The following CADPS2 variants were observed in gnomAD, a reference collection of about 807,000 sequenced individuals.
CADPS2 encodes the protein calcium-dependent secretion activator 2.
In CADPS2, 93 loss-of-function variants were observed where a neutral mutation model predicts 172.5. That is an observed-to-expected ratio of 0.54 (90% CI 0.46 to 0.64). The LOEUF (loss-of-function observed/expected upper bound fraction) is 0.64. Among genes scored for constraint, CADPS2 ranks in the 30% least tolerant of loss-of-function variants. The probability of loss-of-function intolerance (pLI) is 0.00; values close to 1 mark genes in which losing one functional copy is unlikely to be tolerated. For synonymous variants in CADPS2, 546 were observed against 555.2 expected (o/e 0.98, Z 0.23); for missense variants, 1,420 against 1,565.9 (o/e 0.91, Z 1.57).
chr7:122,361,248 A>ATTTTTTTTTTT (rs1181719835), intron 25 of CADPS2, among the ~76,000 whole-genome samples: 5 of 111,178 alleles, frequency 4.5e-5, no homozygotes, highest in African/African-American at 1.9e-4. Context: ...TTTTTTTTTA[A>ATTTTTTTTTTT]AATGAGATGG....
At chr7:122,441,398 T>A (rs1253882819) in intron 16 of CADPS2, 114 bp downstream of exon 16, 1 of 563,628 alleles carries the variant, frequency 1.8e-6, no homozygotes, top group Admixed American at 3.8e-5. Flanking sequence ...TCATGACTTG[T>A]GATGGAATCA....
chr7:122,354,315 T>A (rs373789014), intron 27 of CADPS2: 1 of 152,202 alleles, frequency 6.6e-6, no homozygotes, highest in Non-Finnish European at 1.5e-5. Context: ...TGTAATTACA[T>A]CTCCATTTTA....
chr7:122,396,422 C>A (rs1006040767), intron 20 of CADPS2, among the ~76,000 whole-genome samples: 19 of 152,148 alleles, frequency 1.2e-4, no homozygotes, highest in African/African-American at 4.6e-4. Context: ...CCTAATATTT[C>A]CTCTGCCAAT....
intron 5 of CADPS2, among the ~76,000 whole-genome samples, chr7:122,615,653 A>C (rs1410016665): frequency 2.0e-5 from 3 of 152,154 alleles, no homozygotes; most frequent in African/African-American, 4.8e-5. Context: ...ATGAAAATTC[A>C]GTGCAGATGA....
intron 2 of CADPS2, among the ~76,000 whole-genome samples, chr7:122,734,369 AAAAAAAAAAAAAAAAAAG>A (rs2091958687): frequency 1.5e-4 from 14 of 90,906 alleles, no homozygotes; most frequent in Admixed American, 4.9e-4. Context: ...AAAAAAAAAA[AAAAAAAAAAAAAAAAAAG>A]AAAAAAAAAA....
At chr7:122,487,158 G>A (rs2057899638) in intron 11 of CADPS2, among the ~76,000 whole-genome samples, 1 of 151,526 alleles carries the variant, frequency 6.6e-6, no homozygotes, top group Admixed American at 6.6e-5. Context: ...CTACAGCCAC[G>A]TACCACCATG....
chr7:122,563,517 C>T (rs1283437208), intron 7 of CADPS2, among the ~76,000 whole-genome samples: 1 of 152,142 alleles, frequency 6.6e-6, no homozygotes, highest in Admixed American at 6.6e-5. Context: ...CTTCAAATCA[C>T]TTCAAGATAA....
chr7:122,648,577 C>G (rs1367428532), intron 3 of CADPS2, among the ~76,000 whole-genome samples: 1 of 152,010 alleles, frequency 6.6e-6, no homozygotes, highest in African/African-American at 2.4e-5. Flanking sequence ...AACAAAAATA[C>G]CCTAATCAGA....
At chr7:122,859,997 GACAA>G (rs1465638490) in intron 1 of CADPS2, among the ~76,000 whole-genome samples, 2 of 151,988 alleles carry the variant, frequency 1.3e-5, no homozygotes, top group African/African-American at 2.4e-5. Context: ...CTTTGTCAAT[GACAA>G]ACAGTCTTAA....
At chr7:122,882,880 G>C (rs1387925190) in intron 1 of CADPS2, among the ~76,000 whole-genome samples, 1 of 152,020 alleles carries the variant, frequency 6.6e-6, no homozygotes, top group African/African-American at 2.4e-5. Context: ...CTGTTTATTA[G>C]TTCATACTCA....
At chr7:122,802,424 G>T (rs925439809) in intron 1 of CADPS2, among the ~76,000 whole-genome samples, 2 of 152,098 alleles carry the variant, frequency 1.3e-5, no homozygotes, top group Non-Finnish European at 2.9e-5. Context: ...GTAATCGCTG[G>T]TCAGTCTCAC....
At chr7:122,401,612 C>A (rs1002896459) in intron 20 of CADPS2, among the ~76,000 whole-genome samples, 1 of 152,200 alleles carries the variant, frequency 6.6e-6, no homozygotes, top group Non-Finnish European at 1.5e-5. Context: ...GTGCCAATTA[C>A]TTCATTATGA....
chr7:122,589,624 G>C (rs2070416952), intron 6 of CADPS2, among the ~76,000 whole-genome samples: 1 of 151,914 alleles, frequency 6.6e-6, no homozygotes, highest in Non-Finnish European at 1.5e-5. Context: ...GGTGGCTGCT[G>C]ACACGTCGTT....
At chr7:122,803,257 A>C (rs566205760) in intron 1 of CADPS2, among the ~76,000 whole-genome samples, 3 of 152,340 alleles carry the variant, frequency 2.0e-5, no homozygotes, top group African/African-American at 4.8e-5. Context: ...GCTTTAAAAA[A>C]TGCAAAATCT....
chr7:122,809,118 T>C (rs36072017), intron 1 of CADPS2, among the ~76,000 whole-genome samples: 30,159 of 152,040 alleles, frequency 0.2, 3,084 homozygotes, highest in Middle Eastern at 0.3. Context: ...GTTTTCTGTA[T>C]ATACATTGTA....
intron 3 of CADPS2, among the ~76,000 whole-genome samples, chr7:122,632,937 A>G (rs1273366652): frequency 6.6e-6 from 1 of 152,100 alleles, no homozygotes; most frequent in African/African-American, 2.4e-5. Flanking sequence ...TTCCAGCACC[A>G]TTTATTGAAG....
At chr7:122,518,786 A>G (rs1303222757) in intron 8 of CADPS2, among the ~76,000 whole-genome samples, 1 of 152,082 alleles carries the variant, frequency 6.6e-6, no homozygotes, top group East Asian at 1.9e-4. Flanking sequence ...GTGACAATTT[A>G]TGATGTTATC....
Position 122,719,711 on chromosome 7 carries a change from A to G in CADPS2, c.453+17244T>C, listed in dbSNP as rs144218979. Reference sequence around the variant, plus strand: ...GGTCGGCAATTAAATTCTATGTGATATAATAATTTTTAGAACAGAAAACTC... The same window carrying G: ...GGTCGGCAATTAAATTCTATGTGATGTAATAATTTTTAGAACAGAAAACTC... On this transcript the variant is annotated intron_variant, in intron 2 of 29. Coordinates refer to ENST00000449022, the MANE Select transcript of CADPS2 (RefSeq NM_017954.11). 7.8e-4 allele frequency among the ~76,000 whole-genome samples: 119 copies of G among 152,290 alleles called. 3 individuals carry two copies. The East Asian group carries it at 0.021, about 27-fold the overall frequency.
At chr7:122,515,562 A>C (rs1424760803) in intron 8 of CADPS2, among the ~76,000 whole-genome samples, 1 of 152,106 alleles carries the variant, frequency 6.6e-6, no homozygotes, top group Non-Finnish European at 1.5e-5. Context: ...GAGCATCTGG[A>C]ATGACCTTTG....
Sources: allele counts gnomAD v4.1 joint callset (sites outside exome capture counted in the v4.1 genomes callset), GRCh38; gene constraint gnomAD v4.1.1; transcripts MANE v1.5; gene names NCBI Gene and HGNC (gene_info 2026-07-23, HGNC 2026-07-21).